Variants in LRRTM4 observed in about 807,000 individuals in gnomAD.
LRRTM4 encodes leucine rich repeat transmembrane neuronal 4, also known as leucine-rich repeat transmembrane neuronal protein 4.
In LRRTM4, 25 loss-of-function variants were observed where a neutral mutation model predicts 47.6. The ratio of observed to expected loss-of-function variants is 0.53; its 90% CI spans 0.38 to 0.73. The LOEUF is 0.73. LRRTM4 is among the 30% of genes least tolerant of loss of function. The pLI, the probability that LRRTM4 is intolerant of heterozygous loss-of-function variation, is 0.00. For synonymous variants in LRRTM4, 311 were observed against 269.5 expected (o/e 1.15, Z -1.51); for missense variants, 638 against 713.4 (o/e 0.89, Z 1.20).
At chr2:77,121,387 GATAA>G (rs1340636224) in intron 3 of LRRTM4, among the ~76,000 whole-genome samples, 1 of 151,740 alleles carries the variant, frequency 6.6e-6, no homozygotes, top group African/African-American at 2.4e-5. Flanking sequence ...CCAAACAAAG[GATAA>G]ATAGTGTTGC....
Position 76,873,506 on chromosome 2 carries a change from G to GTGTATATATATATATATATATA in LRRTM4, c.1552-124591_1552-124590insTATATATATATATATATATACA, listed in dbSNP as rs367573475. On this transcript the variant is annotated intron_variant, in intron 3 of 3. Transcript: ENST00000409884. ...TATGTGTGTGTGTATATATATGTGTGTATATATATATATATATATATATAT... is the reference window on the plus strand; with the variant it reads ...TATGTGTGTGTGTATATATATGTGTGTGTATATATATATATATATATATATATATATATATATATATATATAT... 5.2e-4 allele frequency among the ~76,000 whole-genome samples: 58 copies of GTGTATATATATATATATATATA among 112,290 alleles called. 1 individual carries two copies. The highest frequency in any genetic ancestry group is 3.3e-3 in the South Asian group (12 of 3,592). 73.7% of individuals were successfully genotyped at this position (112,290 alleles called of 152,430 possible). A position where few individuals can be genotyped will look rare whatever the true frequency, so the allele number is the denominator to read the frequency against.
intron 3 of LRRTM4, among the ~76,000 whole-genome samples, chr2:76,918,120 A>G (rs1674315884): frequency 2.0e-5 from 3 of 152,216 alleles, no homozygotes. Context: ...TCACAAAACA[A>G]TGACAATTAT....
intron 3 of LRRTM4, among the ~76,000 whole-genome samples, chr2:77,456,328 A>G (rs1235461631): frequency 2.0e-5 from 3 of 152,210 alleles, no homozygotes; most frequent in Non-Finnish European, 4.4e-5. Flanking sequence ...AAGAAAAATA[A>G]TTAAAATAAG....
At chr2:77,019,416 T>TA (rs1678189066) in intron 3 of LRRTM4, among the ~76,000 whole-genome samples, 1 of 152,114 alleles carries the variant, frequency 6.6e-6, no homozygotes, top group African/African-American at 2.4e-5. Flanking sequence ...CATGAGGTTT[T>TA]AATCACAAAT....
intron 3 of LRRTM4, among the ~76,000 whole-genome samples, chr2:77,426,307 G>A (rs76561376): frequency 1.3e-5 from 2 of 152,026 alleles, no homozygotes; most frequent in East Asian, 3.9e-4. Flanking sequence ...TCTACAATAG[G>A]AACCTAAATC....
chr2:77,097,074 A>T (rs545000433), intron 3 of LRRTM4, among the ~76,000 whole-genome samples: 32 of 152,034 alleles, frequency 2.1e-4, no homozygotes, highest in Non-Finnish European at 4.1e-4. Flanking sequence ...ATCAATGACA[A>T]GCTGGTAGGA....
At chr2:77,377,954 T>C (rs528482271) in intron 3 of LRRTM4, among the ~76,000 whole-genome samples, 2 of 152,186 alleles carry the variant, frequency 1.3e-5, no homozygotes, top group South Asian at 4.1e-4. Context: ...ATTTCTTTAA[T>C]GTCTGTATTC....
chr2:77,371,422 T>A (rs978523466), intron 3 of LRRTM4, among the ~76,000 whole-genome samples: 1 of 151,750 alleles, frequency 6.6e-6, no homozygotes, highest in Non-Finnish European at 1.5e-5. Context: ...ATTTCAGAAC[T>A]GTCCCCTTTC....
intron 3 of LRRTM4, among the ~76,000 whole-genome samples, chr2:77,072,831 T>C (rs1479240749): frequency 7.3e-6 from 1 of 137,134 alleles, no homozygotes; most frequent in Non-Finnish European, 1.6e-5. Context: ...AAACAAAGGC[T>C]GCCTTACAGT....
rs576434906 is a variant in LRRTM4, at chr2:77,291,891, C to G, written c.1551+226427G>C. Among the ~76,000 whole-genome samples, 7 of 152,010 alleles carry G rather than the reference C, an allele frequency of 4.6e-5. No homozygotes were observed. In the South Asian group the frequency reaches 8.3e-4, roughly 18 times the overall value. On this transcript the variant is annotated intron_variant, in intron 3 of 3. Transcript: ENST00000409884. Reference sequence around the variant, plus strand: ...GCTTCTGCACAGCAAAAGAAACTACCATCAGAGTGAACAGGCAACCTACAA... The same window carrying G: ...GCTTCTGCACAGCAAAAGAAACTACGATCAGAGTGAACAGGCAACCTACAA...
At chr2:76,898,405 A>T (rs1673496619) in intron 3 of LRRTM4, among the ~76,000 whole-genome samples, 1 of 152,032 alleles carries the variant, frequency 6.6e-6, no homozygotes, top group Non-Finnish European at 1.5e-5. Flanking sequence ...ACACCTGTAG[A>T]AAGGAGTAAT....
At chr2:76,960,223 G>A (rs566508791) in intron 3 of LRRTM4, among the ~76,000 whole-genome samples, 464 of 151,526 alleles carry the variant, frequency 3.1e-3, no homozygotes, top group Non-Finnish European at 5.8e-3. Flanking sequence ...CAGCTATCTC[G>A]TGGAAAAAAT....
intron 3 of LRRTM4, among the ~76,000 whole-genome samples, chr2:77,459,818 C>T (rs919155999): frequency 2.1e-5 from 3 of 142,122 alleles, no homozygotes; most frequent in Admixed American, 2.1e-4. Context: ...GACAAACAAA[C>T]AACACCTTAC....
At chr2:77,446,124 T>C (rs1232585662) in intron 3 of LRRTM4, among the ~76,000 whole-genome samples, 1 of 152,078 alleles carries the variant, frequency 6.6e-6, no homozygotes, top group Non-Finnish European at 1.5e-5. Context: ...AGAACAATGC[T>C]TCACTAAATA....
At chr2:76,842,146 G>T (rs1671702743) in intron 3 of LRRTM4, among the ~76,000 whole-genome samples, 1 of 152,154 alleles carries the variant, frequency 6.6e-6, no homozygotes, top group Non-Finnish European at 1.5e-5. Context: ...TCAGCCGAGG[G>T]CCTGAAGAGA....
At chr2:77,040,119 A>G (rs1678975699) in intron 3 of LRRTM4, among the ~76,000 whole-genome samples, 1 of 151,180 alleles carries the variant, frequency 6.6e-6, no homozygotes, top group South Asian at 2.1e-4. Flanking sequence ...GCTACCATGG[A>G]TTTCATTGTA....
intron 3 of LRRTM4, among the ~76,000 whole-genome samples, chr2:76,966,461 C>T (rs1023491731): frequency 4.0e-5 from 6 of 151,424 alleles, no homozygotes; most frequent in African/African-American, 1.5e-4. Context: ...ATAAAAGAAA[C>T]AAATATTGAA....
intron 3 of LRRTM4, among the ~76,000 whole-genome samples, chr2:77,175,871 C>G (rs1175043582): frequency 1.1e-4 from 16 of 152,014 alleles, no homozygotes; most frequent in Admixed American, 1.0e-3. Flanking sequence ...GTTGGCCAGG[C>G]TGGTCTCGAA....
chr2:77,267,901 A>G (rs2104060971), intron 3 of LRRTM4, among the ~76,000 whole-genome samples: 1 of 152,276 alleles, frequency 6.6e-6, no homozygotes, highest in Middle Eastern at 3.4e-3. Context: ...AGAAGGGAAA[A>G]ACAACACTAA....
Sources: gnomAD v4.1 joint callset for allele counts (sites outside exome capture counted in the v4.1 genomes callset) on GRCh38, gnomAD v4.1.1 for gene constraint, MANE v1.5 for transcripts, NCBI Gene and HGNC (gene_info 2026-07-23, HGNC 2026-07-21) for gene names.